CSMD1: variants seen among roughly 807,000 people sequenced by gnomAD.
CSMD1 encodes the protein CUB and sushi domain-containing protein 1.
Under a neutral mutation model 417.5 loss-of-function variants are expected in CSMD1, and 213 were observed. The ratio of observed to expected loss-of-function variants is 0.51; its 90% CI spans 0.46 to 0.57. The LOEUF (loss-of-function observed/expected upper bound fraction) is 0.57. Among genes scored for constraint, CSMD1 ranks in the 20% least tolerant of loss-of-function variants. The pLI, the probability that CSMD1 is intolerant of heterozygous loss-of-function variation, is 0.00. For synonymous variants in CSMD1, 2,862 were observed against 1,736.8 expected (o/e 1.65, Z -16.11); for missense variants, 6,923 against 4,529.7 (o/e 1.53, Z -15.17).
chr8:3,272,650 C>T (rs1585879562), intron 26 of CSMD1, among the ~76,000 whole-genome samples: 1 of 138,338 alleles, frequency 7.2e-6, no homozygotes, highest in African/African-American at 2.8e-5. Flanking sequence ...CCTTCACATC[C>T]CTTGTAAGTT....
At chr8:3,605,359 C>G (rs1014657877) in intron 8 of CSMD1, among the ~76,000 whole-genome samples, 1 of 152,204 alleles carries the variant, frequency 6.6e-6, no homozygotes, top group African/African-American at 2.4e-5. Context: ...AAGTGCAATT[C>G]TTTACATTTT....
intron 6 of CSMD1, among the ~76,000 whole-genome samples, chr8:3,728,309 C>G (rs1212852912): frequency 6.6e-6 from 1 of 152,118 alleles, no homozygotes; most frequent in Non-Finnish European, 1.5e-5. Context: ...TCATCTTCCA[C>G]CATGACTGTG....
At chr8:4,025,445 A>C (rs1458860372) in intron 4 of CSMD1, among the ~76,000 whole-genome samples, 1 of 152,220 alleles carries the variant, frequency 6.6e-6, no homozygotes, top group Non-Finnish European at 1.5e-5. Flanking sequence ...ATGAATCAAT[A>C]ATAAAGTATG....
At chr8:4,767,202 C>T (rs1040203704) in intron 1 of CSMD1, among the ~76,000 whole-genome samples, 8 of 152,066 alleles carry the variant, frequency 5.3e-5, no homozygotes, top group Admixed American at 4.6e-4. Context: ...TTATTGAAGG[C>T]CATAATTTGC....
chr8:4,078,297 T>C (rs1256982246), intron 3 of CSMD1, among the ~76,000 whole-genome samples: 3 of 151,570 alleles, frequency 2.0e-5, no homozygotes, highest in African/African-American at 7.3e-5. Flanking sequence ...GCCATAATGA[T>C]GAGTTTGATA....
chr8:4,254,205 C>A (rs1437726324), intron 3 of CSMD1, among the ~76,000 whole-genome samples: 2 of 152,126 alleles, frequency 1.3e-5, no homozygotes, highest in Non-Finnish European at 2.9e-5. Context: ...GTGTGAGCCA[C>A]CACGCCAAGC....
At chr8:3,349,619 T>C (rs745945658) in intron 21 of CSMD1, among the ~76,000 whole-genome samples, 17 of 151,566 alleles carry the variant, frequency 1.1e-4, no homozygotes, top group Non-Finnish European at 1.6e-4. Context: ...TTTAAGAAAT[T>C]ACAGTAATTA....
chr8:3,315,356 G>T (rs372706232), intron 23 of CSMD1, among the ~76,000 whole-genome samples: 10 of 151,592 alleles, frequency 6.6e-5, no homozygotes, highest in African/African-American at 2.4e-4. Flanking sequence ...TGAAATGTGT[G>T]ATTATTTCCT....
At chr8:3,371,182 C>T (rs1423205206) in intron 18 of CSMD1, among the ~76,000 whole-genome samples, 2 of 152,174 alleles carry the variant, frequency 1.3e-5, no homozygotes, top group Admixed American at 6.5e-5. Context: ...GAAGGCAGAT[C>T]TTGGGACCTT....
At chr8:3,132,571 C>T (rs1817850334) in intron 41 of CSMD1, among the ~76,000 whole-genome samples, 1 of 152,120 alleles carries the variant, frequency 6.6e-6, no homozygotes, top group African/African-American at 2.4e-5. Context: ...CAAAATATGA[C>T]TCTAGAAGAC....
At chr8:3,807,512 G>C (rs1415519484) in intron 5 of CSMD1, among the ~76,000 whole-genome samples, 49 of 152,018 alleles carry the variant, frequency 3.2e-4, no homozygotes, top group Admixed American at 3.2e-3. Flanking sequence ...GCATTACCAG[G>C]GCAGAGCTTC....
At chr8:3,760,705 G>T (rs114606354) in intron 5 of CSMD1, among the ~76,000 whole-genome samples, 130 of 151,808 alleles carry the variant, frequency 8.6e-4, no homozygotes, top group Admixed American at 1.6e-3. Context: ...ATATCGCTTT[G>T]TTTGAGTACT....
intron 3 of CSMD1, among the ~76,000 whole-genome samples, chr8:4,057,517 T>C (rs1298927182): frequency 6.6e-6 from 1 of 152,204 alleles, no homozygotes; most frequent in African/African-American, 2.4e-5. Context: ...TGTTTTGCTG[T>C]GCAGAAGCTC....
At chr8:3,301,611 C>G (rs1260313380) in intron 25 of CSMD1, among the ~76,000 whole-genome samples, 2 of 152,100 alleles carry the variant, frequency 1.3e-5, no homozygotes, top group Non-Finnish European at 2.9e-5. Flanking sequence ...AAAGAGAGCA[C>G]CACAGTAGCA....
intron 50 of CSMD1, among the ~76,000 whole-genome samples, chr8:3,034,423 TTA>T: frequency 6.6e-6 from 1 of 152,294 alleles, no homozygotes; most frequent in Non-Finnish European, 1.5e-5. Context: ...TGAGAGGACT[TTA>T]TTTGTTTACA....
At chr8:3,918,518 G>C (rs924933652) in intron 5 of CSMD1, among the ~76,000 whole-genome samples, 1 of 151,916 alleles carries the variant, frequency 6.6e-6, no homozygotes, top group Admixed American at 6.6e-5. Flanking sequence ...TGGGTTATTT[G>C]CCCATTTTTA....
chr8:3,664,082 G>A (rs945627650), intron 7 of CSMD1, among the ~76,000 whole-genome samples: 8 of 152,108 alleles, frequency 5.3e-5, no homozygotes, highest in Non-Finnish European at 1.2e-4. Flanking sequence ...TGCACAATGT[G>A]CACGTTTGTT....
chr8:4,151,726 G>A (rs925923950), intron 3 of CSMD1, among the ~76,000 whole-genome samples: 7 of 152,140 alleles, frequency 4.6e-5, no homozygotes, highest in South Asian at 2.1e-4. Context: ...AATTAACAGC[G>A]GGTAAATACT....
chr8:4,072,838 C>G (rs1053404058), intron 3 of CSMD1, among the ~76,000 whole-genome samples: 4 of 152,182 alleles, frequency 2.6e-5, no homozygotes, highest in African/African-American at 9.7e-5. Flanking sequence ...GCCGTCTTTT[C>G]CACTACAACA....
Sources: allele counts gnomAD v4.1 joint callset (sites outside exome capture counted in the v4.1 genomes callset), GRCh38; gene constraint gnomAD v4.1.1; transcripts MANE v1.5; gene names NCBI Gene and HGNC (gene_info 2026-07-23, HGNC 2026-07-21).